Variants in ZNF555 observed in about 807,000 individuals in gnomAD.
ZNF555 encodes zinc finger protein 555.
ZNF555 carries 10 observed loss-of-function variants against 14.0 expected under a neutral mutation model. The observed-to-expected ratio is 0.72, with a 90% CI of 0.44 to 1.21. The LOEUF (loss-of-function observed/expected upper bound fraction) is 1.21. ZNF555 is among the 50% of genes most tolerant of loss of function. The pLI is 0.00. For synonymous variants in ZNF555, 277 were observed against 262.4 expected (o/e 1.06, Z -0.54); for missense variants, 747 against 762.0 (o/e 0.98, Z 0.23).
At chr19:2,847,952 T>A (rs10413380) in intron 1 of ZNF555, among the ~76,000 whole-genome samples, 2 of 152,154 alleles carry the variant, frequency 1.3e-5, no homozygotes, top group African/African-American at 4.8e-5. Context: ...CAACAGGTTT[T>A]AAAAAAGCAC....
At position 2,853,139 on chromosome 19, in the gene ZNF555, T is replaced by A. The variant is rs2087649182; in HGVS notation, c.1074T>A (p.His358Gln). ...TTTATCTCCAGTCCTTTCGAAGACA[T>A]GAAAGGATTCACACTGGAGAGAAAC... The part of the protein sequence containing the change: ...TFIYLQSFRR[H>Q]ERIHTGEKPY... The change falls in exon 4 of 4, where the codon CAT becomes CAA. Residue 358 changes from histidine to glutamine, a missense_variant. By Grantham distance (24) the His-to-Gln change is conservative. Coordinates refer to ENST00000334241, the MANE Select transcript of ZNF555 (RefSeq NM_152791.5). 6.2e-7 allele frequency: 1 copy of A among 1,613,974 alleles called. No individual in the cohort carries two copies. The highest frequency in any genetic ancestry group is 8.5e-7 in the Non-Finnish European group (1 of 1,179,990).
chr19:2,845,732 G>T (rs143468230), intron 1 of ZNF555, among the ~76,000 whole-genome samples: 1 of 152,152 alleles, frequency 6.6e-6, no homozygotes, highest in African/African-American at 2.4e-5. Context: ...TTTTTCATAT[G>T]CTTGGACCAC....
chr19:2,850,685 G>A lies in ZNF555; in HGVS notation c.102G>A (p.Leu34=), dbSNP rs769187978. 1.2e-6 allele frequency: 2 copies of A among 1,613,798 alleles called. No homozygotes were observed. Among genetic ancestry groups the A allele is most frequent in the African/African-American group, 2.7e-5 (2 of 75,036 alleles). The part of the protein sequence containing the change: ...AQRDLYRDVM[L]ETFQNLASVD... ...GGGACCTCTACAGAGATGTGATGCTGGAGACCTTTCAGAACCTGGCCTCAG... is the reference window on the plus strand; with the variant it reads ...GGGACCTCTACAGAGATGTGATGCTAGAGACCTTTCAGAACCTGGCCTCAG... Residue 34 remains leucine, a synonymous_variant, in exon 2 of 4, where the codon CTG becomes CTA. Transcript: ENST00000334241.
In ZNF555 at chr19:2,852,880, G is replaced by T; in HGVS notation, c.815G>T (p.Arg272Leu). 6.2e-7 allele frequency: 1 copy of T among 1,614,122 alleles called. No individual in the cohort carries two copies. Among genetic ancestry groups the T allele is most frequent in the Non-Finnish European group, 8.5e-7 (1 of 1,180,034 alleles). ...GKAFSYSSTF[R>L]RHTITHTGEK... ...GCTTTCAGTTATTCCTCAACGTTTCGAAGACACACAATAACACACACTGGC... is the reference window on the plus strand; with the variant it reads ...GCTTTCAGTTATTCCTCAACGTTTCTAAGACACACAATAACACACACTGGC... The change falls in exon 4 of 4, where the codon CGA becomes CTA. Residue 272 changes from arginine to leucine, a missense_variant. Arg to Leu is a moderately radical substitution (Grantham distance 102). Transcript: ENST00000334241.
intron 1 of ZNF555, 90 bp downstream of exon 1, chr19:2,841,665 G>A: frequency 7.3e-7 from 1 of 1,369,594 alleles, no homozygotes; most frequent in Non-Finnish European, 9.5e-7. Context: ...TGAGGGACGC[G>A]GGGGGCGGCC....
intron 1 of ZNF555, among the ~76,000 whole-genome samples, chr19:2,844,093 CT>C (rs34787983): frequency 0.74 from 96,626 of 131,098 alleles, 36,062 homozygotes; most frequent in Admixed American, 0.8. Context: ...CTCTCTCTCT[CT>C]TTTCTTTTTT....
chr19:2,850,772 A>C, intron 2 of ZNF555, 59 bp downstream of exon 2: 1 of 1,601,144 alleles, frequency 6.2e-7, no homozygotes, highest in Non-Finnish European at 8.5e-7. Flanking sequence ...TATTTCTTAC[A>C]CATCAGACCT....
intron 1 of ZNF555, chr19:2,847,525 A>C (rs2087591899): frequency 6.6e-6 from 1 of 152,236 alleles, no homozygotes; most frequent in Admixed American, 6.5e-5. Context: ...TGTATGCTAT[A>C]TGTATTTACC....
intron 1 of ZNF555, among the ~76,000 whole-genome samples, chr19:2,844,093 CTTTTCT>C (rs1310857400): frequency 6.8e-5 from 9 of 131,964 alleles, no homozygotes; most frequent in East Asian, 4.6e-4. Flanking sequence ...CTCTCTCTCT[CTTTTCT>C]TTTTTTTTTT....
chr19:2,849,866 G>GTGTGCC (rs2087614372), intron 1 of ZNF555, among the ~76,000 whole-genome samples: 1 of 152,140 alleles, frequency 6.6e-6, no homozygotes, highest in African/African-American at 2.4e-5. Flanking sequence ...TACTTAGTGA[G>GTGTGCC]TGTGCCTGTG....
Position 2,852,704 on chromosome 19 carries a change from C to G in ZNF555, c.639C>G (p.Ser213=), listed in dbSNP as rs1253179590. The G allele has an allele frequency of 6.2e-7, 1 of 1,614,112 alleles. No individual in the cohort carries two copies. The highest frequency in any genetic ancestry group is 1.7e-5 in the Admixed American group (1 of 60,020). ...GTGGGAAAACCTTTCCTCGTACTTC[C>G]TCCCTCAATCGGCATGTAAGGATTC... ...KLCGKTFPRT[S]SLNRHVRIHT... The change falls in exon 4 of 4, where the codon TCC becomes TCG. Residue 213 remains serine (S), a synonymous_variant. Coordinates refer to ENST00000334241, the MANE Select transcript of ZNF555 (RefSeq NM_152791.5).
chr19:2,842,158 G>A (rs1056067942), intron 1 of ZNF555, among the ~76,000 whole-genome samples: 14 of 152,236 alleles, frequency 9.2e-5, no homozygotes, highest in Admixed American at 8.5e-4. Flanking sequence ...CGGGAGCGGT[G>A]GGGCCTCGGC....
At chr19:2,842,817 C>T (rs879375423) in intron 1 of ZNF555, among the ~76,000 whole-genome samples, 2 of 152,150 alleles carry the variant, frequency 1.3e-5, no homozygotes, top group African/African-American at 2.4e-5. Context: ...CCGAGGGGAG[C>T]AGATTACTTG....
chr19:2,853,086 G>A lies in ZNF555; in HGVS notation c.1021G>A (p.Glu341Lys), dbSNP rs1400992933. 19 of 1,613,966 alleles carry A rather than the reference G, an allele frequency of 1.2e-5. No homozygotes were observed. The highest frequency in any genetic ancestry group is 1.6e-4 in the Middle Eastern group (1 of 6,062). ...AACACACACTGGAGAGAAACCCTAC[G>A]AATGCAAACAATGTGGGAAAACCTT... is the stretch of plus-strand genomic sequence containing the variant. ...MITHTGEKPYECKQCGKTFIY... is the reference protein window; with the variant it reads ...MITHTGEKPYKCKQCGKTFIY... The change falls in exon 4 of 4, where the codon GAA becomes AAA. Residue 341 changes from glutamate (E) to lysine (K), a missense_variant. By Grantham distance (56) the Glu-to-Lys change is moderately conservative. Transcript: ENST00000334241.
chr19:2,849,821 G>A (rs2087613876), intron 1 of ZNF555, among the ~76,000 whole-genome samples: 1 of 152,078 alleles, frequency 6.6e-6, no homozygotes, highest in African/African-American at 2.4e-5. Context: ...GGTGAAAAGA[G>A]CTGTTTTGGC....
intron 3 of ZNF555, 55 bp downstream of exon 3, chr19:2,851,706 A>G (rs559757137): frequency 2.2e-6 from 3 of 1,388,810 alleles, no homozygotes; most frequent in Non-Finnish European, 2.8e-6. Flanking sequence ...TTAGTCTGTC[A>G]TTAAACTTTA....
intron 1 of ZNF555, among the ~76,000 whole-genome samples, chr19:2,846,947 CTT>C (rs2087586867): frequency 1.3e-5 from 2 of 152,186 alleles, no homozygotes. Context: ...GATTGCCTCT[CTT>C]TTCATTTGTT....
chr19:2,847,651 T>A (rs1382628679), intron 1 of ZNF555, among the ~76,000 whole-genome samples: 4 of 151,874 alleles, frequency 2.6e-5, no homozygotes, highest in Non-Finnish European at 5.9e-5. Context: ...CTGAAAAAAA[T>A]TTAAAAAAAA....
In ZNF555 at chr19:2,854,052, C is replaced by A; in HGVS notation, c.*100C>A. On this transcript the variant is annotated 3_prime_UTR_variant, in exon 4 of 4. Coordinates refer to ENST00000334241, the MANE Select transcript of ZNF555 (RefSeq NM_152791.5). ...TAATTCTCCAAATACTCTCAGCTAT[C>A]CTACATGAATTTGAACAGGTAGTTT... 11 of 1,435,606 alleles carry A rather than the reference C, an allele frequency of 7.7e-6. No individual in the cohort carries two copies. Among genetic ancestry groups the A allele is most frequent in the Non-Finnish European group, 9.4e-6 (10 of 1,060,956 alleles). The allele number at this position is 1,435,606 out of a possible 1,614,324, so 88.9% of individuals were successfully genotyped here.
Sources: gnomAD v4.1 joint callset for allele counts (sites outside exome capture counted in the v4.1 genomes callset) on GRCh38, gnomAD v4.1.1 for gene constraint, MANE v1.5 for transcripts, NCBI Gene and HGNC (gene_info 2026-07-23, HGNC 2026-07-21) for gene names.